UBR1: variants seen among roughly 807,000 people sequenced by gnomAD.
The protein encoded by UBR1 is ubiquitin protein ligase E3 component n-recognin 1.
A neutral mutation model predicts 242.1 loss-of-function variants in UBR1; 102 were observed. That is an observed-to-expected ratio of 0.42 (90% CI 0.36 to 0.50). UBR1 has a LOEUF of 0.50. Ranked by LOEUF, UBR1 falls within the 20% of genes least tolerant of loss-of-function variation. The pLI is 0.01. For missense variants in UBR1, 1,772 were observed against 2,101.8 expected, an observed-to-expected ratio of 0.84 and a Z score of 3.07; for synonymous variants, 675 against 684.8, an observed-to-expected ratio of 0.99 and a Z score of 0.22.
At chr15:43,088,257 A>G (rs2034062858) in intron 1 of UBR1, among the ~76,000 whole-genome samples, 2 of 152,208 alleles carry the variant, frequency 1.3e-5, no homozygotes, top group Non-Finnish European at 2.9e-5. Flanking sequence ...CAAGTGTGAA[A>G]ATATATATTT....
chr15:43,058,183 T>C (rs773974788), intron 10 of UBR1, among the ~76,000 whole-genome samples, 158 bp downstream of exon 10: 1 of 152,176 alleles, frequency 6.6e-6, no homozygotes, highest in Non-Finnish European at 1.5e-5. Flanking sequence ...GTGCTGGGAT[T>C]ACAGGCGTGA....
chr15:43,045,603 A>T (rs2033475228), intron 14 of UBR1, among the ~76,000 whole-genome samples: 1 of 152,226 alleles, frequency 6.6e-6, no homozygotes, highest in Non-Finnish European at 1.5e-5. Context: ...TGGTAGAAAT[A>T]CAAGAGAAGA....
At chr15:42,965,703 G>C (rs1323885273) in intron 41 of UBR1, among the ~76,000 whole-genome samples, 1 of 152,148 alleles carries the variant, frequency 6.6e-6, no homozygotes, top group Non-Finnish European at 1.5e-5. Context: ...CTGACCTCAA[G>C]TGATCCACCC....
chr15:43,007,355 A>C, intron 29 of UBR1, 71 bp from the exon 30 acceptor site: 1 of 1,354,958 alleles, frequency 7.4e-7, no homozygotes, highest in East Asian at 2.4e-5. Flanking sequence ...GGTAGATTTT[A>C]AGTAACTATA....
intron 42 of UBR1, among the ~76,000 whole-genome samples, chr15:42,960,914 C>T (rs2032005967): frequency 6.6e-6 from 1 of 151,990 alleles, no homozygotes. Context: ...GCACTCGCCA[C>T]CACACCTGGT....
chr15:43,085,842 G>A (rs1192179719), intron 2 of UBR1, 142 bp downstream of exon 2: 3 of 883,466 alleles, frequency 3.4e-6, no homozygotes, highest in Non-Finnish European at 5.0e-6. Flanking sequence ...CTTGAACCTG[G>A]GAGGCAGAGG....
chr15:42,985,989 CAAAAAAA>C (rs1230190123), intron 35 of UBR1, among the ~76,000 whole-genome samples: 18 of 47,034 alleles, frequency 3.8e-4, no homozygotes, highest in South Asian at 2.3e-3. Context: ...GACCCTGTCT[CAAAAAAA>C]AAAAAAAAAA....
Position 43,082,656 on chromosome 15 carries a change from A to G in UBR1, c.399T>C (p.His133=). 1 of 1,613,770 alleles carries G rather than the reference A, an allele frequency of 6.2e-7. No homozygotes were observed. Among genetic ancestry groups the G allele is most frequent in the Non-Finnish European group, 8.5e-7 (1 of 1,179,784 alleles). Residue 133 remains histidine (H), a synonymous_variant, in exon 3 of 47, where the codon CAT becomes CAC. Transcript: ENST00000290650. ...TTCTTACCTTGTAACGATGATTTTT[A>G]TGAACACTGTCCTGGAAGCAGTCCA... ...LCMDCFQDSV[H]KNHRYKMHTS...
intron 35 of UBR1, among the ~76,000 whole-genome samples, chr15:42,987,146 C>T (rs1055252806): frequency 6.6e-6 from 1 of 152,220 alleles, no homozygotes. Context: ...GCCACAGGGG[C>T]GGCTTTGCCC....
Position 43,105,977 on chromosome 15 carries a change from C to A in UBR1, c.46G>T (p.Ala16Ser). The change falls in exon 1 of 47, where the codon GCG becomes TCG. Residue 16 changes from alanine to serine, a missense_variant. Physicochemically the swap from Ala to Ser is moderately conservative, Grantham distance 99. Coordinates refer to ENST00000290650, the MANE Select transcript of UBR1 (RefSeq NM_174916.3). ...CGCTGAGGGGTCTGGGGTAACTCCGCGCTGATTTCCATCCTCTCAGTACCT... is the reference window on the plus strand; with the variant it reads ...CGCTGAGGGGTCTGGGGTAACTCCGAGCTGATTTCCATCCTCTCAGTACCT... Reference protein sequence around the residue: ...AGGTERMEISAELPQTPQRLA... With the variant: ...AGGTERMEISSELPQTPQRLA... The A allele has an allele frequency of 6.2e-7, 1 of 1,614,030 alleles. No individual in the cohort carries two copies. Among genetic ancestry groups the A allele is most frequent in the Non-Finnish European group, 8.5e-7 (1 of 1,179,992 alleles).
intron 32 of UBR1, 74 bp downstream of exon 32, chr15:43,002,481 A>C: frequency 1.3e-6 from 2 of 1,536,008 alleles, no homozygotes; most frequent in Admixed American, 1.8e-5. Flanking sequence ...TCAGTCTCCC[A>C]AAGTGCTGGG....
At chr15:43,036,104 C>T in intron 19 of UBR1, 74 bp downstream of exon 19, 1 of 1,320,736 alleles carries the variant, frequency 7.6e-7, no homozygotes, top group East Asian at 2.3e-5. Context: ...CTAAATATGA[C>T]TGAAATAAAA....
chr15:43,091,024 T>G (rs2037393), intron 1 of UBR1, among the ~76,000 whole-genome samples: 1 of 152,168 alleles, frequency 6.6e-6, no homozygotes, highest in African/African-American at 2.4e-5. Context: ...ATGCAACCTC[T>G]GCCTCCCGGG....
chr15:43,071,001 A>C, intron 4 of UBR1, 76 bp from the exon 5 acceptor site: 3 of 1,561,346 alleles, frequency 1.9e-6, no homozygotes, highest in Non-Finnish European at 2.6e-6. Context: ...ATGTTAAGTT[A>C]AAATAATCAC....
At chr15:43,105,230 GC>G (rs1266270285) in intron 1 of UBR1, among the ~76,000 whole-genome samples, 1 of 150,290 alleles carries the variant, frequency 6.7e-6, no homozygotes, top group African/African-American at 2.5e-5. Context: ...CCCTAACATT[GC>G]CCCCTACTCT....
Position 43,059,649 on chromosome 15 carries a change from T to C in UBR1, c.985+53A>G, listed in dbSNP as rs1413217178. On this transcript the variant is annotated intron_variant, in intron 8 of 46. Transcript: ENST00000290650. ...TCAATGACATTTTAAAATTTGTGGC[T>C]ATAAAACACATAGTATTTTATCAGA... 4.4e-6 allele frequency: 7 copies of C among 1,596,978 alleles called. No homozygotes were observed. In the Admixed American group the frequency reaches 5.0e-5, roughly 11 times the overall value.
intron 4 of UBR1, among the ~76,000 whole-genome samples, chr15:43,074,736 A>G (rs563940202): frequency 4.3e-4 from 65 of 152,280 alleles, no homozygotes; most frequent in African/African-American, 1.3e-3. Context: ...ACTCTTATGT[A>G]TCAAGTTGAT....
At chr15:43,091,169 C>T (rs2034101731) in intron 1 of UBR1, among the ~76,000 whole-genome samples, 1 of 152,108 alleles carries the variant, frequency 6.6e-6, no homozygotes, top group Non-Finnish European at 1.5e-5. Context: ...AACTCCCGAC[C>T]TCAGGTGATC....
chr15:43,016,747 T>C (rs1265757966), intron 28 of UBR1, among the ~76,000 whole-genome samples: 1 of 152,146 alleles, frequency 6.6e-6, no homozygotes, highest in Non-Finnish European at 1.5e-5. Flanking sequence ...GGGCTAATTT[T>C]TGTATTTTTA....
Sources: allele counts gnomAD v4.1 joint callset (sites outside exome capture counted in the v4.1 genomes callset), GRCh38; gene constraint gnomAD v4.1.1; transcripts MANE v1.5; gene names NCBI Gene and HGNC (gene_info 2026-07-23, HGNC 2026-07-21).